ENOX1: variants seen among roughly 807,000 people sequenced by gnomAD.
ENOX1 encodes ecto-NOX disulfide-thiol exchanger 1, also known as candidate growth-related and time keeping constitutive hydroquinone (NADH) oxidase.
A neutral mutation model predicts 82.5 loss-of-function variants in ENOX1; 42 were observed. The ratio of observed to expected loss-of-function variants is 0.51; its 90% confidence interval spans 0.40 to 0.66. The LOEUF is 0.66. ENOX1 is among the 30% of genes least tolerant of loss of function. ENOX1 has a pLI of 0.00. For synonymous variants in ENOX1, 271 were observed against 282.2 expected (o/e 0.96, Z 0.40); for missense variants, 608 against 811.6 (o/e 0.75, Z 3.05).
At chr13:43,399,134 TTACTG>T (rs1486519779) in intron 5 of ENOX1, among the ~76,000 whole-genome samples, 1 of 152,200 alleles carries the variant, frequency 6.6e-6, no homozygotes, top group Admixed American at 6.6e-5. Flanking sequence ...CTAGCTTACT[TTACTG>T]TGAGAATATA....
chr13:43,718,860 G>T (rs924035941), intron 1 of ENOX1, among the ~76,000 whole-genome samples: 1 of 151,844 alleles, frequency 6.6e-6, no homozygotes, highest in African/African-American at 2.4e-5. Flanking sequence ...CTTCATAAAG[G>T]TTTTACACAT....
intron 5 of ENOX1, among the ~76,000 whole-genome samples, chr13:43,368,685 G>A (rs1180147634): frequency 6.6e-6 from 1 of 152,172 alleles, no homozygotes; most frequent in East Asian, 1.9e-4. Context: ...CCTCACAGCT[G>A]AGCCATGAAA....
At chr13:43,371,061 C>T (rs1594190925) in intron 5 of ENOX1, among the ~76,000 whole-genome samples, 1 of 152,114 alleles carries the variant, frequency 6.6e-6, no homozygotes, top group Non-Finnish European at 1.5e-5. Flanking sequence ...TTTTCACATC[C>T]CTATCTCATT....
At chr13:43,296,172 A>G (rs1273777845) in intron 12 of ENOX1, among the ~76,000 whole-genome samples, 1 of 152,228 alleles carries the variant, frequency 6.6e-6, no homozygotes, top group Non-Finnish European at 1.5e-5. Flanking sequence ...CCCAAATCCA[A>G]ATGTTGAAGT....
At chr13:43,779,764 A>G (rs115095245) in intron 1 of ENOX1, among the ~76,000 whole-genome samples, 3,186 of 152,200 alleles carry the variant, frequency 0.021, 122 homozygotes, top group African/African-American at 0.073. Flanking sequence ...TGCTCTCCAT[A>G]CCAACCTCCA....
intron 9 of ENOX1, among the ~76,000 whole-genome samples, chr13:43,340,069 G>C (rs898786102): frequency 1.3e-5 from 2 of 152,220 alleles, no homozygotes; most frequent in Non-Finnish European, 2.9e-5. Flanking sequence ...CTCCACTAGA[G>C]AGAGGGAAAT....
At chr13:43,510,599 C>A (rs574642028) in intron 2 of ENOX1, among the ~76,000 whole-genome samples, 4 of 152,172 alleles carry the variant, frequency 2.6e-5, no homozygotes, top group East Asian at 3.9e-4. Context: ...CCATTGCCCG[C>A]ATTTTGATTC....
chr13:43,529,476 G>A (rs902499286), intron 2 of ENOX1, among the ~76,000 whole-genome samples: 2 of 152,134 alleles, frequency 1.3e-5, no homozygotes, highest in African/African-American at 4.8e-5. Context: ...CATATGCTGA[G>A]GTTGCTAAGA....
intron 2 of ENOX1, among the ~76,000 whole-genome samples, chr13:43,513,576 T>C (rs2077450686): frequency 6.6e-6 from 1 of 152,166 alleles, no homozygotes; most frequent in African/African-American, 2.4e-5. Flanking sequence ...AGACTTCTCC[T>C]TGTAACCCAG....
chr13:43,397,076 G>A (rs149981623), intron 5 of ENOX1, among the ~76,000 whole-genome samples: 105 of 152,284 alleles, frequency 6.9e-4, no homozygotes, highest in African/African-American at 2.4e-3. Context: ...GAGGCCTGCG[G>A]CACACTGGGC....
At chr13:43,303,832 G>C (rs1593812103) in intron 11 of ENOX1, among the ~76,000 whole-genome samples, 1 of 152,160 alleles carries the variant, frequency 6.6e-6, no homozygotes, top group Admixed American at 6.5e-5. Flanking sequence ...TTGTCTGGGA[G>C]GAAGCCCAAG....
chr13:43,420,385 C>A (rs1237924147), intron 3 of ENOX1, among the ~76,000 whole-genome samples: 1 of 152,176 alleles, frequency 6.6e-6, no homozygotes, highest in Non-Finnish European at 1.5e-5. Context: ...TTGTAAAATT[C>A]TCACTATCAT....
At chr13:43,247,458 TG>T (rs956584689) in intron 14 of ENOX1, among the ~76,000 whole-genome samples, 3 of 152,252 alleles carry the variant, frequency 2.0e-5, no homozygotes, top group Admixed American at 6.5e-5. Flanking sequence ...CAGCCTTCCA[TG>T]GTCAAGGTCT....
In ENOX1 at chr13:43,726,486, G is replaced by A. The variant is rs2088966009; in HGVS notation, c.-284-58942C>T. On this transcript the variant is annotated intron_variant, in intron 1 of 16. Transcript: ENST00000690772. ...CCTGCTTAGTCCTCCCAAAGTGCTG[G>A]GATTATAGGCATAAGCCACCACGCC... Among the ~76,000 whole-genome samples the A allele has an allele frequency of 2.6e-5, 4 of 152,034 alleles. No individual in the cohort carries two copies. The East Asian group carries it at 7.7e-4, about 29-fold the overall frequency.
rs1402795628 is a variant in ENOX1, at chr13:43,360,031, G to A, written c.409C>T (p.Arg137Ter). 4 of 1,614,176 alleles carry A rather than the reference G, an allele frequency of 2.5e-6. No individual in the cohort carries two copies. The highest frequency in any genetic ancestry group is 1.3e-5 in the African/African-American group (1 of 75,066). The change falls in exon 7 of 17, where the codon CGA (arginine) becomes TGA (stop). Residue 137 changes from arginine (R) to a stop codon, truncating the protein, a stop_gained. Coordinates refer to ENST00000690772, the MANE Select transcript of ENOX1 (RefSeq NM_001347969.2). LOFTEE classifies it high-confidence loss of function. ...PNLPPPSTRE[R>*]PPGCKTVFVG... ...AACACGGTCTTACACCCAGGAGGTCGTTCTCTTGTGGAAGGAGGTGGAAGA... is the reference window on the plus strand; with the variant it reads ...AACACGGTCTTACACCCAGGAGGTCATTCTCTTGTGGAAGGAGGTGGAAGA...
At chr13:43,307,528 G>T (rs17556100) in intron 11 of ENOX1, among the ~76,000 whole-genome samples, 13,221 of 152,230 alleles carry the variant, frequency 0.087, 678 homozygotes, top group Middle Eastern at 0.14. Context: ...TCTAGTCTTA[G>T]ATTTCTTTCA....
chr13:43,465,393 T>C (rs1048237292), intron 3 of ENOX1, among the ~76,000 whole-genome samples: 3 of 152,256 alleles, frequency 2.0e-5, no homozygotes, highest in Admixed American at 1.3e-4. Flanking sequence ...GGGAGCTCTA[T>C]TAAATTGGTT....
chr13:43,528,388 C>T (rs9594969), intron 2 of ENOX1, among the ~76,000 whole-genome samples: 30,579 of 151,860 alleles, frequency 0.2, 3,593 homozygotes, highest in Middle Eastern at 0.29. Flanking sequence ...AAAAGGAATG[C>T]ACTTTTTAAA....
At chr13:43,308,121 T>A (rs1395294001) in intron 11 of ENOX1, among the ~76,000 whole-genome samples, 4 of 148,914 alleles carry the variant, frequency 2.7e-5, no homozygotes, top group African/African-American at 9.9e-5. Flanking sequence ...TTGGCTTGCA[T>A]CACCACTCAT....
Sources: allele counts gnomAD v4.1 joint callset (sites outside exome capture counted in the v4.1 genomes callset), GRCh38; gene constraint gnomAD v4.1.1; transcripts MANE v1.5; gene names NCBI Gene and HGNC (gene_info 2026-07-23, HGNC 2026-07-21).